Variants in RALGPS2 observed in about 807,000 individuals in gnomAD.
The protein encoded by RALGPS2 is Ral GEF with PH domain and SH3 binding motif 2.
In RALGPS2, 43 loss-of-function variants were observed where a neutral mutation model predicts 86.8. That is an observed-to-expected ratio of 0.50 (90% CI 0.39 to 0.64). RALGPS2 has a LOEUF of 0.64. Ranked by LOEUF, RALGPS2 falls within the 30% of genes least tolerant of loss-of-function variation. The probability of loss-of-function intolerance (pLI) is 0.00; values close to 1 mark genes in which losing one functional copy is unlikely to be tolerated. For missense variants in RALGPS2, 536 were observed against 694.6 expected (o/e 0.77, Z 2.57); for synonymous variants, 243 against 231.3 (o/e 1.05, Z -0.46).
intron 1 of RALGPS2, among the ~76,000 whole-genome samples, chr1:178,759,336 C>G (rs1219065057): frequency 6.6e-6 from 1 of 152,092 alleles, no homozygotes; most frequent in Non-Finnish European, 1.5e-5. Context: ...CTGTCCTTTT[C>G]CCATTGCCAA....
chr1:178,826,264 C>G (rs1655738961), intron 7 of RALGPS2, among the ~76,000 whole-genome samples: 1 of 152,112 alleles, frequency 6.6e-6, no homozygotes, highest in African/African-American at 2.4e-5. Flanking sequence ...TTCATAACAA[C>G]ATTATTCACA....
At position 178,912,805 on chromosome 1, in the gene RALGPS2, A is replaced by G. The variant is rs117925447; in HGVS notation, c.1723-3525A>G. Among the ~76,000 whole-genome samples, 24 of 152,318 alleles carry G rather than the reference A, an allele frequency of 1.6e-4. No individual in the cohort carries two copies. In the East Asian group the frequency reaches 2.3e-3, roughly 15 times the overall value. ...TGCTTACTCTGTCTCCTTTTCTTGC[A>G]GTAACACCAGTGAGTCATAGGTTTA... is the stretch of plus-strand genomic sequence containing the variant. On this transcript the variant is annotated intron_variant, in intron 19 of 19. Transcript: ENST00000367635.
intron 8 of RALGPS2, among the ~76,000 whole-genome samples, chr1:178,861,840 T>C (rs1039784617): frequency 6.6e-6 from 1 of 152,180 alleles, no homozygotes; most frequent in African/African-American, 2.4e-5. Flanking sequence ...GCATTTTCCT[T>C]TGGAAATCAA....
chr1:178,764,481 G>A (rs191051507), intron 1 of RALGPS2, among the ~76,000 whole-genome samples: 6 of 152,140 alleles, frequency 3.9e-5, no homozygotes, highest in Non-Finnish European at 5.9e-5. Context: ...TAAGTATTGC[G>A]ATGTGTGGAT....
At chr1:178,867,860 C>T (rs1011162164) in intron 8 of RALGPS2, among the ~76,000 whole-genome samples, 7 of 151,888 alleles carry the variant, frequency 4.6e-5, no homozygotes, top group African/African-American at 1.7e-4. Flanking sequence ...AACTCTTATG[C>T]TGTCGTCATG....
At chr1:178,772,632 G>T (rs1652863153) in intron 1 of RALGPS2, among the ~76,000 whole-genome samples, 1 of 152,092 alleles carries the variant, frequency 6.6e-6, no homozygotes, top group Non-Finnish European at 1.5e-5. Context: ...CAGGTATATG[G>T]AAATATAACC....
chr1:178,783,471 T>C (rs1653493713), intron 2 of RALGPS2, among the ~76,000 whole-genome samples: 1 of 152,204 alleles, frequency 6.6e-6, no homozygotes, highest in Admixed American at 6.6e-5. Flanking sequence ...TGAGAATTTT[T>C]TAAAGTTAAG....
chr1:178,838,400 AT>A (rs1248962723), intron 8 of RALGPS2, among the ~76,000 whole-genome samples: 3 of 152,174 alleles, frequency 2.0e-5, no homozygotes, highest in Admixed American at 6.5e-5. Flanking sequence ...CGCTGCTGAT[AT>A]CCCCACAAAC....
At chr1:178,861,708 T>C (rs938053800) in intron 8 of RALGPS2, among the ~76,000 whole-genome samples, 1 of 152,214 alleles carries the variant, frequency 6.6e-6, no homozygotes. Flanking sequence ...ATTTATAACT[T>C]ACGTATACAA....
At chr1:178,737,576 T>C (rs1650786472) in intron 1 of RALGPS2, among the ~76,000 whole-genome samples, 1 of 152,140 alleles carries the variant, frequency 6.6e-6, no homozygotes, top group South Asian at 2.1e-4. Flanking sequence ...GATCAATCTC[T>C]TCTTTTGTTT....
At chr1:178,727,507 T>C (rs1572257980) in intron 1 of RALGPS2, among the ~76,000 whole-genome samples, 1 of 152,248 alleles carries the variant, frequency 6.6e-6, no homozygotes, top group South Asian at 2.1e-4. Flanking sequence ...CACAACGTGC[T>C]TTTCTAATAT....
intron 8 of RALGPS2, chr1:178,850,994 A>T: frequency 1.3e-6 from 1 of 784,420 alleles, no homozygotes; most frequent in Non-Finnish European, 1.8e-6. Context: ...TCCCTTTTAT[A>T]GTTACGGTAA....
chr1:178,859,496 C>T (rs1331858615), intron 8 of RALGPS2, among the ~76,000 whole-genome samples: 4 of 148,420 alleles, frequency 2.7e-5, no homozygotes, highest in African/African-American at 5.0e-5. Flanking sequence ...CTCCGCCTCC[C>T]GAGTTCAAGC....
chr1:178,759,582 T>C (rs976818068), intron 1 of RALGPS2, among the ~76,000 whole-genome samples: 1 of 151,734 alleles, frequency 6.6e-6, no homozygotes, highest in Non-Finnish European at 1.5e-5. Flanking sequence ...TCTTCTGTGG[T>C]TCCATATAAA....
At position 178,847,772 on chromosome 1, in the gene RALGPS2, T is replaced by C. The variant is rs532209260; in HGVS notation, c.607+14222T>C. On this transcript the variant is annotated intron_variant, in intron 8 of 19. Coordinates refer to ENST00000367635, the MANE Select transcript of RALGPS2 (RefSeq NM_152663.5). The stretch of plus-strand genomic sequence containing the variant: ...ATATAATGCTAAGAGAATAGCACTC[T>C]CCTGTCATGACTCAGAGTTAAGTAA... Among the ~76,000 whole-genome samples the C allele has an allele frequency of 1.3e-3, 194 of 152,330 alleles. 2 individuals are homozygous for C. Among genetic ancestry groups the C allele is most frequent in the African/African-American group, 4.3e-3 (178 of 41,578 alleles).
At chr1:178,811,462 G>T in intron 6 of RALGPS2, 58 bp downstream of exon 6, 1 of 1,167,278 alleles carries the variant, frequency 8.6e-7, no homozygotes, top group South Asian at 1.5e-5. Flanking sequence ...GTTTGTAAGT[G>T]AATAAATATT....
chr1:178,866,495 A>C (rs1209475289), intron 8 of RALGPS2, among the ~76,000 whole-genome samples: 1 of 152,116 alleles, frequency 6.6e-6, no homozygotes, highest in South Asian at 2.1e-4. Flanking sequence ...TATTTCCTGA[A>C]CTGTAATTAT....
intron 7 of RALGPS2, among the ~76,000 whole-genome samples, chr1:178,825,716 T>TTAAAA (rs780294332): frequency 8.7e-4 from 133 of 152,324 alleles, no homozygotes; most frequent in Non-Finnish European, 1.4e-3. Context: ...ATTTAAATCA[T>TTAAAA]TAAAATAAAA....
intron 8 of RALGPS2, among the ~76,000 whole-genome samples, chr1:178,858,834 T>C (rs896343888): frequency 6.6e-6 from 1 of 152,196 alleles, no homozygotes. Context: ...CTGTAACATA[T>C]GTGTTCTTTT....
Sources: gnomAD v4.1 joint callset for allele counts (sites outside exome capture counted in the v4.1 genomes callset) on GRCh38, gnomAD v4.1.1 for gene constraint, MANE v1.5 for transcripts, NCBI Gene and HGNC (gene_info 2026-07-23, HGNC 2026-07-21) for gene names.